The following ABLIM2 variants were observed in gnomAD, a reference collection of about 807,000 sequenced individuals.
ABLIM2 encodes actin-binding LIM protein 2.
Under a neutral mutation model 97.7 loss-of-function variants are expected in ABLIM2, and 53 were observed. The ratio of observed to expected loss-of-function variants is 0.54; its 90% confidence interval spans 0.44 to 0.68. ABLIM2 has a LOEUF of 0.68. Ranked by LOEUF, ABLIM2 falls within the 30% of genes least tolerant of loss-of-function variation. The pLI, the probability that ABLIM2 is intolerant of heterozygous loss-of-function variation, is 0.00. For synonymous variants in ABLIM2, 361 were observed against 345.8 expected, an observed-to-expected ratio of 1.04 and a Z score of -0.49; for missense variants, 835 against 867.2, an observed-to-expected ratio of 0.96 and a Z score of 0.47.
rs1180350684 is a variant in ABLIM2, at chr4:7,995,374, G to C, written c.1619-2447C>G. Among the ~76,000 whole-genome samples, 5 of 152,222 alleles carry C rather than the reference G, an allele frequency of 3.3e-5. No homozygotes were observed. In the South Asian group the frequency reaches 8.3e-4, roughly 25 times the overall value. On this transcript the variant is annotated intron_variant, in intron 16 of 20. Transcript: ENST00000447017. ...CTTCCAAGCTGCCCACGAGGCCTCC[G>C]AGGGGAAGGTGGCTCACAAGGCCAC... is the stretch of plus-strand genomic sequence containing the variant.
At chr4:8,079,711 T>C (rs759231243) in intron 5 of ABLIM2, among the ~76,000 whole-genome samples, 4 of 152,156 alleles carry the variant, frequency 2.6e-5, no homozygotes, top group Non-Finnish European at 4.4e-5. Flanking sequence ...ACCGACGTGA[T>C]TCAGGTTCCG....
intron 10 of ABLIM2, among the ~76,000 whole-genome samples, chr4:8,030,061 G>C (rs1437464574): frequency 6.6e-6 from 1 of 152,070 alleles, no homozygotes. Flanking sequence ...CTGCCGGTGG[G>C]GGCTCCAGCT....
chr4:8,012,945 A>T (rs749827038), intron 14 of ABLIM2, among the ~76,000 whole-genome samples: 1 of 152,094 alleles, frequency 6.6e-6, no homozygotes, highest in Non-Finnish European at 1.5e-5. Context: ...CTTTATCCCC[A>T]TCTCCCTGTG....
At chr4:8,121,780 A>G (rs1456103079) in intron 1 of ABLIM2, among the ~76,000 whole-genome samples, 1 of 152,230 alleles carries the variant, frequency 6.6e-6, no homozygotes, top group Non-Finnish European at 1.5e-5. Flanking sequence ...GAGTGACTGC[A>G]GGGCACTGTC....
chr4:8,073,099 C>T (rs762560341), intron 6 of ABLIM2, among the ~76,000 whole-genome samples: 7 of 151,404 alleles, frequency 4.6e-5, no homozygotes, highest in South Asian at 2.1e-4. Context: ...CTCTCTAAAA[C>T]GCCACTGGAG....
In ABLIM2 at chr4:8,004,636, G is replaced by A. The variant is rs972523269; in HGVS notation, c.1618+3423C>T. On this transcript the variant is annotated intron_variant, in intron 16 of 20. Transcript: ENST00000447017. This position sits in a 1 kb window ranked among gnomAD's most constrained non-coding sequence, Gnocchi z 5.9. ...GGCTAGGAATGTGGGACCCCAAGCA[G>A]CAGCAGGCCCTACTGCCGGGGACAC... Among the ~76,000 whole-genome samples, 4 of 152,146 alleles carry A rather than the reference G, an allele frequency of 2.6e-5. No individual in the cohort carries two copies. Among genetic ancestry groups the A allele is most frequent in the Non-Finnish European group, 4.4e-5 (3 of 68,026 alleles).
Position 7,992,807 on chromosome 4 carries a change from C to G in ABLIM2, c.1680+59G>C. 6.4e-7 allele frequency: 1 copy of G among 1,564,406 alleles called. No homozygotes were observed. The highest frequency in any genetic ancestry group is 8.7e-7 in the Non-Finnish European group (1 of 1,143,782). On this transcript the variant is annotated intron_variant, in intron 17 of 20. Transcript: ENST00000447017. The surrounding 1 kb of genome is among the most constrained non-coding windows in gnomAD (Gnocchi z 5.7). ...TGTGTGGTCAAGAAGCTGTGGGAAA[C>G]GTGCTCAGCCTCACAGCAATCGTTA...
In ABLIM2 at chr4:8,124,542, C is replaced by T. The variant is rs141092002; in HGVS notation, c.11-17905G>A. ...TTCGCGACTGGCTTCTTTCACTCGG[C>T]GTCATGTTTTCAGGGAGTGTCCGTG... On this transcript the variant is annotated intron_variant, in intron 1 of 20. Coordinates refer to ENST00000447017, the MANE Select transcript of ABLIM2 (RefSeq NM_001130083.2). This position sits in a 1 kb window ranked among gnomAD's most constrained non-coding sequence, Gnocchi z 6.1. Among the ~76,000 whole-genome samples the T allele has an allele frequency of 3.3e-5, 5 of 152,214 alleles. No individual in the cohort carries two copies. The highest frequency in any genetic ancestry group is 4.8e-5 in the African/African-American group (2 of 41,530).
At chr4:8,139,071 T>C (rs1423285210) in intron 1 of ABLIM2, among the ~76,000 whole-genome samples, 4 of 152,066 alleles carry the variant, frequency 2.6e-5, no homozygotes, top group African/African-American at 9.7e-5. Flanking sequence ...TGGCAGACAC[T>C]TGTAATCCCA....
intron 20 of ABLIM2, among the ~76,000 whole-genome samples, chr4:7,975,940 A>G (rs1010506402): frequency 6.6e-6 from 1 of 152,168 alleles, no homozygotes; most frequent in African/African-American, 2.4e-5. Context: ...TCTTAAACAT[A>G]TGTCCCACGA....
At chr4:8,117,399 AC>A (rs1390098811) in intron 1 of ABLIM2, among the ~76,000 whole-genome samples, 1 of 151,586 alleles carries the variant, frequency 6.6e-6, no homozygotes, top group African/African-American at 2.4e-5. Flanking sequence ...GACTCCACCC[AC>A]AGCAGATTCT....
At chr4:8,040,630 G>A (rs1444021172) in intron 9 of ABLIM2, among the ~76,000 whole-genome samples, 1 of 151,230 alleles carries the variant, frequency 6.6e-6, no homozygotes, top group African/African-American at 2.4e-5. Context: ...AAAAAGAAAA[G>A]AAAAGAAAAG....
At chr4:8,137,137 G>T (rs2152939281) in intron 1 of ABLIM2, among the ~76,000 whole-genome samples, 1 of 152,290 alleles carries the variant, frequency 6.6e-6, no homozygotes, top group Admixed American at 6.5e-5. Flanking sequence ...GTCTTTGTAA[G>T]CCGCCCAGGC....
rs977583284 is a variant in ABLIM2 at position 8,022,116 on chromosome 4, G to A, written c.1268-1813C>T. ...CCCATCCCCACTGGCAGCAAAACAG[G>A]GCAGGTTTTAAAAACTGCACCCACA... On this transcript the variant is annotated intron_variant, in intron 12 of 20. Coordinates refer to ENST00000447017, the MANE Select transcript of ABLIM2 (RefSeq NM_001130083.2). This position sits in a 1 kb window ranked among gnomAD's most constrained non-coding sequence, Gnocchi z 7.8. 1.5e-4 allele frequency among the ~76,000 whole-genome samples: 23 copies of A among 152,142 alleles called. 1 individual carries two copies. The highest frequency in any genetic ancestry group is 3.4e-4 in the Non-Finnish European group (23 of 68,030).
rs555650525 is a variant in ABLIM2, at chr4:7,966,846, C to T, written c.*144G>A. 16 of 582,808 alleles carry T rather than the reference C, an allele frequency of 2.7e-5. No individual in the cohort carries two copies. Among genetic ancestry groups the T allele is most frequent in the East Asian group, 9.1e-5 (3 of 33,084 alleles). The allele number at this position is 582,808 out of a possible 1,614,324, so 36.1% of individuals were successfully genotyped here. On this transcript the variant is annotated 3_prime_UTR_variant, in exon 21 of 21. Transcript: ENST00000447017. ...GAGTGTCGCCGGCAGGTGCAGGGGC[C>T]GCACCTGCTGGGGGACCCCCTCCCG...
chr4:8,100,098 G>A (rs1227609325), intron 2 of ABLIM2, among the ~76,000 whole-genome samples: 1 of 152,100 alleles, frequency 6.6e-6, no homozygotes, highest in Non-Finnish European at 1.5e-5. Context: ...GCGGCTGGGG[G>A]GAAAAGATGA....
Position 7,986,917 on chromosome 4 carries a change from C to A in ABLIM2, c.1681-2024G>T, listed in dbSNP as rs1744687434. Among the ~76,000 whole-genome samples the A allele has an allele frequency of 2.0e-5, 3 of 152,282 alleles. No homozygotes were observed. The East Asian group carries it at 5.8e-4, about 29-fold the overall frequency. On this transcript the variant is annotated intron_variant, in intron 17 of 20. Coordinates refer to ENST00000447017, the MANE Select transcript of ABLIM2 (RefSeq NM_001130083.2). The surrounding 1 kb of genome is among the most constrained non-coding windows in gnomAD (Gnocchi z 4.3). ...AACTCCTGACCTCAGGTGATCCACC[C>A]GCGTTGGCCTCCCAAAGTGCTGGGA...
Position 8,002,121 on chromosome 4 carries a change from A to G in ABLIM2, c.1618+5938T>C, listed in dbSNP as rs1578334548. Among the ~76,000 whole-genome samples the G allele has an allele frequency of 6.6e-6, 1 of 151,530 alleles. No individual in the cohort carries two copies. Among genetic ancestry groups the G allele is most frequent in the African/African-American group, 2.4e-5 (1 of 41,216 alleles). On this transcript the variant is annotated intron_variant, in intron 16 of 20. Coordinates refer to ENST00000447017, the MANE Select transcript of ABLIM2 (RefSeq NM_001130083.2). The surrounding 1 kb of genome is among the most constrained non-coding windows in gnomAD (Gnocchi z 6.1). ...ACAGTTGGAGTGGCTGGGGCTACCA[A>G]CTCCCACGGTTCCAGTCCCATCTGG...
At chr4:8,030,670 C>T (rs897328011) in intron 10 of ABLIM2, among the ~76,000 whole-genome samples, 4 of 152,240 alleles carry the variant, frequency 2.6e-5, no homozygotes, top group African/African-American at 7.2e-5. Flanking sequence ...ACTGTCTAAC[C>T]CCAGCCCGGG....
Sources: gnomAD v4.1 joint callset for allele counts (sites outside exome capture counted in the v4.1 genomes callset) on GRCh38, gnomAD v4.1.1 for gene constraint, Gnocchi (gnomAD v3.1) non-coding constraint, MANE v1.5 for transcripts, NCBI Gene and HGNC (gene_info 2026-07-23, HGNC 2026-07-21) for gene names.